PLCH1: variants seen among roughly 807,000 people sequenced by gnomAD.
PLCH1 encodes phospholipase C eta 1.
A neutral mutation model predicts 126.7 loss-of-function variants in PLCH1; 60 were observed. That is an observed-to-expected ratio of 0.47 (90% confidence interval 0.38 to 0.59). The LOEUF (loss-of-function observed/expected upper bound fraction) is 0.59. Among genes scored for constraint, PLCH1 ranks in the 20% least tolerant of loss-of-function variants. PLCH1 has a pLI of 0.00. For synonymous variants in PLCH1, 719 were observed against 734.9 expected, an observed-to-expected ratio of 0.98 and a Z score of 0.35; for missense variants, 1,723 against 2,040.0, an observed-to-expected ratio of 0.84 and a Z score of 2.99.
At chr3:155,671,995 C>T (rs538336498) in intron 2 of PLCH1, among the ~76,000 whole-genome samples, 1 of 151,888 alleles carries the variant, frequency 6.6e-6, no homozygotes, top group Non-Finnish European at 1.5e-5. Context: ...ATTAACAAGG[C>T]GTAACAAAAA....
At chr3:155,470,787 A>C (rs1412998893) in intron 21 of PLCH1, among the ~76,000 whole-genome samples, 1 of 152,108 alleles carries the variant, frequency 6.6e-6, no homozygotes, top group African/African-American at 2.4e-5. Context: ...TTCTTAAAGA[A>C]AAGAATTTTC....
At chr3:155,548,881 T>C (rs988371047) in intron 10 of PLCH1, among the ~76,000 whole-genome samples, 2 of 152,200 alleles carry the variant, frequency 1.3e-5, no homozygotes, top group African/African-American at 4.8e-5. Context: ...TTCCATCTTT[T>C]CCATGTGCTG....
chr3:155,698,804 G>A (rs1746025252), intron 2 of PLCH1, among the ~76,000 whole-genome samples: 1 of 152,118 alleles, frequency 6.6e-6, no homozygotes, highest in African/African-American at 2.4e-5. Context: ...GAACATCATA[G>A]GCCTGAAAGG....
At chr3:155,622,870 C>T (rs1409437687) in intron 2 of PLCH1, among the ~76,000 whole-genome samples, 1 of 152,130 alleles carries the variant, frequency 6.6e-6, no homozygotes, top group Non-Finnish European at 1.5e-5. Flanking sequence ...AGAAAATAAA[C>T]AAGTGTATCC....
At chr3:155,540,672 C>G (rs1724109527) in intron 10 of PLCH1, among the ~76,000 whole-genome samples, 1 of 152,030 alleles carries the variant, frequency 6.6e-6, no homozygotes, top group African/African-American at 2.4e-5. Flanking sequence ...CAGGGAAATG[C>G]AAATCAAAAC....
chr3:155,537,220 A>C (rs1576943196), intron 10 of PLCH1, among the ~76,000 whole-genome samples: 1,522 of 12,076 alleles, frequency 0.13, 23 homozygotes, highest in African/African-American at 0.17. Flanking sequence ...AAAAAAAAAA[A>C]AAAAAAAAAA....
At chr3:155,601,060 C>T (rs535038309) in intron 2 of PLCH1, among the ~76,000 whole-genome samples, 178 of 152,202 alleles carry the variant, frequency 1.2e-3, no homozygotes, top group African/African-American at 4.2e-3. Flanking sequence ...CTGCAAGCTC[C>T]GCCTCCCGGG....
In PLCH1 at chr3:155,480,617, G is replaced by A. The variant is rs77288253; in HGVS notation, c.*351C>T. 3.1e-4 allele frequency: 58 copies of A among 187,562 alleles called. 1 individual carries two copies. The highest frequency in any genetic ancestry group is 1.3e-3 in the African/African-American group (57 of 42,730). 11.6% of individuals were successfully genotyped at this position (187,562 alleles called of 1,614,324 possible). ...AACTCAACAGTTAGAGAGTAAAAAT[G>A]ACTACATTTGTGACTGCAATCTGAG... On this transcript the variant is annotated 3_prime_UTR_variant, in exon 23 of 23. Transcript: ENST00000460012.
intron 4 of PLCH1, among the ~76,000 whole-genome samples, chr3:155,586,444 T>A (rs1407560393): frequency 6.6e-6 from 1 of 152,176 alleles, no homozygotes; most frequent in East Asian, 1.9e-4. Flanking sequence ...CAGTGGCTCA[T>A]GCCTATAATC....
rs1715509160 is a variant in PLCH1, at chr3:155,487,906, C to T, written c.2619+122G>A. 4.6e-6 allele frequency: 3 copies of T among 649,508 alleles called. No homozygotes were observed. The South Asian group carries it at 5.4e-5, about 12-fold the overall frequency. 40.2% of individuals were successfully genotyped at this position (649,508 alleles called of 1,614,324 possible). Reference sequence around the variant, plus strand: ...ATAGCAGACTGGGCTTGCTGGGCCTCCTTAGAGTTTTTGGTTCAAGAACAG... The same window carrying T: ...ATAGCAGACTGGGCTTGCTGGGCCTTCTTAGAGTTTTTGGTTCAAGAACAG... On this transcript the variant is annotated intron_variant, in intron 21 of 22. Coordinates refer to ENST00000460012, the MANE Select transcript of PLCH1 (RefSeq NM_014996.4).
At position 155,549,815 on chromosome 3, in the gene PLCH1, T is replaced by G; in HGVS notation, c.1334A>C (p.Gln445Pro). The G allele has an allele frequency of 6.2e-7, 1 of 1,612,898 alleles. No individual in the cohort carries two copies. Among genetic ancestry groups the G allele is most frequent in the Non-Finnish European group, 8.5e-7 (1 of 1,179,708 alleles). The stretch of plus-strand genomic sequence containing the variant: ...CACTAGAATTTTGCCTTTCAAACTT[T>G]GAGGGCTTGGAAGCTGCTTGCACTC... ...TGECKQLPSP[Q>P]SLKGKILVKG... is the part of the protein sequence containing the mutation. Residue 445 changes from glutamine to proline, a missense_variant, in exon 10 of 23, where the codon CAA (glutamine) becomes CCA (proline). Around this residue, in one of 2 missense-constraint regions of PLCH1, gnomAD observed 776 missense variants for 1,062.9 expected, o/e 0.73. Transcript: ENST00000460012.
intron 21 of PLCH1, among the ~76,000 whole-genome samples, chr3:155,453,451 A>G (rs1355289876): frequency 6.6e-6 from 1 of 152,180 alleles, no homozygotes; most frequent in Non-Finnish European, 1.5e-5. Context: ...AATTATTTGT[A>G]CTATTTTTGA....
At chr3:155,637,204 C>T (rs1054249340) in intron 2 of PLCH1, among the ~76,000 whole-genome samples, 1 of 152,144 alleles carries the variant, frequency 6.6e-6, no homozygotes, top group Admixed American at 6.5e-5. Context: ...GTAAACTATA[C>T]CTGGATGCAG....
At chr3:155,592,298 C>A (rs1214578718) in intron 4 of PLCH1, among the ~76,000 whole-genome samples, 11 of 131,472 alleles carry the variant, frequency 8.4e-5, no homozygotes, top group Non-Finnish European at 1.7e-4. Context: ...TCCTGGCTAA[C>A]AGGGTGAAAT....
chr3:155,492,828 G>A lies in PLCH1; in HGVS notation c.2208C>T (p.Asp736=). ...CKGTFNPFSG[D]PLPANPKKQL... is the part of the protein sequence containing the mutation. ...GCTTTTTGGGGTTGGCAGGAAGAGG[G>A]TCACCAGAGAAAGGGTTGAAAGTAC... The change falls in exon 18 of 23, where the codon GAC becomes GAT. Residue 736 remains aspartate, a synonymous_variant. Transcript: ENST00000460012. The A allele has an allele frequency of 6.2e-7, 1 of 1,602,066 alleles. No individual in the cohort carries two copies. The highest frequency in any genetic ancestry group is 1.1e-5 in the South Asian group (1 of 88,514).
At chr3:155,589,727 A>G (rs997562499) in intron 4 of PLCH1, among the ~76,000 whole-genome samples, 2 of 152,190 alleles carry the variant, frequency 1.3e-5, no homozygotes, top group Non-Finnish European at 2.9e-5. Context: ...CTGAGTATTC[A>G]GACTTTCATT....
chr3:155,514,944 C>A (rs539422989), intron 11 of PLCH1, 60 bp from the exon 12 acceptor site: 7 of 1,153,406 alleles, frequency 6.1e-6, no homozygotes, highest in East Asian at 5.1e-5. Flanking sequence ...TTAGAATATA[C>A]CCTTTGATCA....
intron 2 of PLCH1, among the ~76,000 whole-genome samples, chr3:155,691,918 T>C (rs1745414462): frequency 1.3e-5 from 2 of 152,044 alleles, no homozygotes; most frequent in African/African-American, 4.8e-5. Flanking sequence ...TGTACAACAT[T>C]GTGAGGTCAA....
chr3:155,596,452 A>T, intron 2 of PLCH1, 74 bp from the exon 3 acceptor site: 1 of 1,269,908 alleles, frequency 7.9e-7, no homozygotes, highest in East Asian at 2.5e-5. Context: ...TTTAGAGTCA[A>T]ATAAAACCTC....
Sources: gnomAD v4.1 joint callset for allele counts (sites outside exome capture counted in the v4.1 genomes callset) on GRCh38, gnomAD v4.1.1 for gene constraint, gnomAD v4.1.1 regional missense constraint, MANE v1.5 for transcripts, NCBI Gene and HGNC (gene_info 2026-07-23, HGNC 2026-07-21) for gene names.